The following PRKCA variants were observed in gnomAD, a reference collection of about 807,000 sequenced individuals.
PRKCA encodes the protein protein kinase C alpha, also known as protein kinase C alpha type.
Under a neutral mutation model 87.0 loss-of-function variants are expected in PRKCA, and 27 were observed. The ratio of observed to expected loss-of-function variants is 0.31; its 90% CI spans 0.23 to 0.43. The LOEUF (loss-of-function observed/expected upper bound fraction) is 0.43. Ranked by LOEUF, PRKCA falls within the 20% of genes least tolerant of loss-of-function variation. The pLI is 1.00. For missense variants in PRKCA, 518 were observed against 852.3 expected, an observed-to-expected ratio of 0.61 and a Z score of 4.88; for synonymous variants, 329 against 311.1, an observed-to-expected ratio of 1.06 and a Z score of -0.61.
At chr17:66,759,778 G>A (rs984715569) in intron 13 of PRKCA, among the ~76,000 whole-genome samples, 1 of 152,194 alleles carries the variant, frequency 6.6e-6, no homozygotes, top group African/African-American at 2.4e-5. Context: ...GAAATTAGGA[G>A]TCACTATATT....
intron 5 of PRKCA, among the ~76,000 whole-genome samples, chr17:66,669,322 T>C (rs1396605929): frequency 6.6e-6 from 1 of 152,076 alleles, no homozygotes; most frequent in Non-Finnish European, 1.5e-5. Flanking sequence ...AACAGCAGAA[T>C]TGGCATTGCA....
In PRKCA at chr17:66,401,248, C is replaced by CT. The variant is rs1351360385; in HGVS notation, c.206-94951dup. ...GAAAGGAAGCACTAAACCAGGTCAG[C>CT]TTGTGACGTGGGATAAAGAAGGCTT... On this transcript the variant is annotated intron_variant, in intron 2 of 16. Coordinates refer to ENST00000413366, the MANE Select transcript of PRKCA (RefSeq NM_002737.3). Among the ~76,000 whole-genome samples the CT allele has an allele frequency of 5.3e-5, 8 of 152,290 alleles. No homozygotes were observed. In the East Asian group the frequency reaches 1.3e-3, roughly 26 times the overall value.
intron 2 of PRKCA, among the ~76,000 whole-genome samples, chr17:66,447,071 A>T (rs915092246): frequency 6.6e-6 from 1 of 152,314 alleles, no homozygotes; most frequent in Admixed American, 6.5e-5. Flanking sequence ...ACGCTTCGAT[A>T]TCAAGCCATC....
intron 2 of PRKCA, among the ~76,000 whole-genome samples, chr17:66,436,845 AT>A (rs1027212303): frequency 1.3e-5 from 2 of 152,192 alleles, no homozygotes; most frequent in Admixed American, 6.5e-5. Context: ...AGGAAGGAGA[AT>A]TTTTTTTAAA....
At chr17:66,443,691 G>C (rs1401297229) in intron 2 of PRKCA, among the ~76,000 whole-genome samples, 1 of 152,160 alleles carries the variant, frequency 6.6e-6, no homozygotes, top group Non-Finnish European at 1.5e-5. Flanking sequence ...TAGTCCTCAC[G>C]ATGACATGTG....
chr17:66,768,659 GACA>G (rs1257073215), intron 13 of PRKCA, among the ~76,000 whole-genome samples: 1 of 152,158 alleles, frequency 6.6e-6, no homozygotes, highest in African/African-American at 2.4e-5. Context: ...GAGAGAGAGA[GACA>G]ACAAGGCGGG....
intron 3 of PRKCA, among the ~76,000 whole-genome samples, chr17:66,631,973 A>C (rs1971027082): frequency 6.6e-6 from 1 of 152,222 alleles, no homozygotes; most frequent in Admixed American, 6.5e-5. Flanking sequence ...TTTCATTAAG[A>C]GTTGTATTGG....
chr17:66,470,675 T>G (rs190077203), intron 2 of PRKCA, among the ~76,000 whole-genome samples: 6 of 152,268 alleles, frequency 3.9e-5, no homozygotes, highest in African/African-American at 1.4e-4. Flanking sequence ...AGCCCTTCGT[T>G]TCAATACCAA....
chr17:66,732,072 T>C (rs1397199419), intron 8 of PRKCA, among the ~76,000 whole-genome samples: 2 of 148,416 alleles, frequency 1.3e-5, no homozygotes, highest in African/African-American at 2.5e-5. Context: ...TCTCTTCTTA[T>C]GCACATCACC....
intron 2 of PRKCA, among the ~76,000 whole-genome samples, chr17:66,462,137 C>T (rs751628202): frequency 6.6e-6 from 1 of 152,256 alleles, no homozygotes; most frequent in East Asian, 1.9e-4. Context: ...TCAAGTTGGA[C>T]AGACAAATCC....
intron 2 of PRKCA, among the ~76,000 whole-genome samples, chr17:66,345,249 C>T (rs1273665421): frequency 6.6e-6 from 1 of 151,996 alleles, no homozygotes; most frequent in Non-Finnish European, 1.5e-5. Flanking sequence ...CTTCCTACAC[C>T]AGTTTTCTAG....
intron 16 of PRKCA, among the ~76,000 whole-genome samples, chr17:66,794,068 AG>A (rs1357874188): frequency 6.6e-6 from 1 of 152,228 alleles, no homozygotes; most frequent in East Asian, 1.9e-4. Flanking sequence ...GCTAGTTCAT[AG>A]GCAAGCCAGA....
At chr17:66,368,401 T>A (rs1167401128) in intron 2 of PRKCA, among the ~76,000 whole-genome samples, 7 of 122,166 alleles carry the variant, frequency 5.7e-5, no homozygotes, top group South Asian at 2.9e-4. Context: ...TTTTTTTTTT[T>A]TTTTTTTTTT....
intron 2 of PRKCA, among the ~76,000 whole-genome samples, chr17:66,482,967 G>A (rs1915847401): frequency 6.6e-6 from 1 of 152,088 alleles, no homozygotes; most frequent in Non-Finnish European, 1.5e-5. Flanking sequence ...GTATTCACAG[G>A]ACCCTAATTC....
intron 16 of PRKCA, among the ~76,000 whole-genome samples, chr17:66,798,878 ATGGTGG>A (rs1975781002): frequency 2.8e-3 from 8 of 2,844 alleles, no homozygotes; most frequent in Admixed American, 5.2e-3. Context: ...GGTGGTGGTG[ATGGTGG>A]TGGTGGTGGT....
chr17:66,685,243 A>G (rs1972595744), intron 5 of PRKCA, among the ~76,000 whole-genome samples: 1 of 152,164 alleles, frequency 6.6e-6, no homozygotes, highest in Non-Finnish European at 1.5e-5. Flanking sequence ...CAACAATTCT[A>G]TACCACTGGA....
chr17:66,492,451 G>A (rs775987609), intron 2 of PRKCA, among the ~76,000 whole-genome samples: 1 of 152,170 alleles, frequency 6.6e-6, no homozygotes, highest in Non-Finnish European at 1.5e-5. Flanking sequence ...ATTCTTCCAT[G>A]GGATTTGATA....
chr17:66,647,906 T>A (rs1971496580), intron 5 of PRKCA, among the ~76,000 whole-genome samples: 1 of 151,968 alleles, frequency 6.6e-6, no homozygotes, highest in Admixed American at 6.6e-5. Flanking sequence ...TCTAGGAATG[T>A]GAATTCAGCA....
chr17:66,567,557 C>T (rs1567903909), intron 3 of PRKCA, among the ~76,000 whole-genome samples: 1 of 152,170 alleles, frequency 6.6e-6, no homozygotes, highest in Non-Finnish European at 1.5e-5. Flanking sequence ...AAAAATGGAC[C>T]CAGCAGTTTT....
Sources: gnomAD v4.1 joint callset for allele counts (sites outside exome capture counted in the v4.1 genomes callset) on GRCh38, gnomAD v4.1.1 for gene constraint, MANE v1.5 for transcripts, NCBI Gene and HGNC (gene_info 2026-07-23, HGNC 2026-07-21) for gene names.